ATRNL1: variants seen among roughly 807,000 people sequenced by gnomAD.
ATRNL1 encodes the protein attractin-like protein 1.
ATRNL1 carries 95 observed loss-of-function variants against 182.7 expected under a neutral mutation model. The ratio of observed to expected loss-of-function variants is 0.52; its 90% confidence interval spans 0.44 to 0.62. The LOEUF is 0.62. Among genes scored for constraint, ATRNL1 ranks in the 20% least tolerant of loss-of-function variants. The pLI, the probability that ATRNL1 is intolerant of heterozygous loss-of-function variation, is 0.00. For synonymous variants in ATRNL1, 576 were observed against 568.3 expected (o/e 1.01, Z -0.19); for missense variants, 1,471 against 1,679.5 (o/e 0.88, Z 2.17).
At chr10:115,458,498 T>TG (rs1847634412) in intron 21 of ATRNL1, among the ~76,000 whole-genome samples, 1 of 152,140 alleles carries the variant, frequency 6.6e-6, no homozygotes, top group African/African-American at 2.4e-5. Flanking sequence ...ACATTAGGAT[T>TG]GATCATTACC....
At chr10:115,108,831 A>G (rs1592109907) in intron 1 of ATRNL1, among the ~76,000 whole-genome samples, 1 of 152,192 alleles carries the variant, frequency 6.6e-6, no homozygotes, top group South Asian at 2.1e-4. Context: ...TCTCTGACTA[A>G]GTAATTCCTT....
intron 27 of ATRNL1, among the ~76,000 whole-genome samples, chr10:115,816,301 C>T (rs1483028468): frequency 2.0e-5 from 3 of 152,066 alleles, no homozygotes; most frequent in Non-Finnish European, 2.9e-5. Flanking sequence ...GGCTGTTACT[C>T]CACGGGAATG....
intron 13 of ATRNL1, among the ~76,000 whole-genome samples, chr10:115,274,837 G>T (rs534345409): frequency 2.0e-4 from 30 of 152,160 alleles, no homozygotes; most frequent in Non-Finnish European, 3.8e-4. Flanking sequence ...CAGGGAATGT[G>T]TTAATTGCCC....
chr10:115,427,830 A>G (rs1387876606), intron 21 of ATRNL1, among the ~76,000 whole-genome samples: 2 of 151,464 alleles, frequency 1.3e-5, no homozygotes, highest in Admixed American at 6.6e-5. Context: ...ATGTGATTTT[A>G]TAAGTCCTGA....
rs79589147 is a variant in ATRNL1 at position 115,884,471 on chromosome 10, C to T, written c.4018+36480C>T. Among the ~76,000 whole-genome samples the T allele has an allele frequency of 1.5e-3, 231 of 152,246 alleles. 1 individual carries two copies. The highest frequency in any genetic ancestry group is 9.3e-3 in the East Asian group (48 of 5,174). ...ACAACAACAACAAAAAGCATTAGGC[C>T]GCTTCTTCCTAATTATGTCTCTCTC... is the stretch of plus-strand genomic sequence containing the variant. On this transcript the variant is annotated intron_variant, in intron 28 of 28. Coordinates refer to ENST00000355044, the MANE Select transcript of ATRNL1 (RefSeq NM_207303.4).
intron 9 of ATRNL1, among the ~76,000 whole-genome samples, chr10:115,221,361 T>C (rs2144446979): frequency 6.6e-6 from 1 of 152,330 alleles, no homozygotes; most frequent in Middle Eastern, 3.4e-3. Context: ...TTTTACCACC[T>C]CAGAACTGGT....
chr10:115,508,423 T>A (rs557460079), intron 24 of ATRNL1, among the ~76,000 whole-genome samples: 1 of 152,150 alleles, frequency 6.6e-6, no homozygotes, highest in South Asian at 2.1e-4. Context: ...AAATGCTACA[T>A]GTGATTAAGC....
At chr10:115,861,344 T>A (rs1309381222) in intron 28 of ATRNL1, among the ~76,000 whole-genome samples, 7 of 152,176 alleles carry the variant, frequency 4.6e-5, no homozygotes, top group Non-Finnish European at 1.0e-4. Flanking sequence ...GGGGCTAAAT[T>A]GTGCCTACAA....
intron 26 of ATRNL1, among the ~76,000 whole-genome samples, chr10:115,690,639 G>A (rs1946360895): frequency 6.6e-6 from 1 of 152,146 alleles, no homozygotes; most frequent in South Asian, 2.1e-4. Flanking sequence ...GACACTGGGT[G>A]GACACTGAGA....
At chr10:115,347,840 T>C (rs141124312) in intron 19 of ATRNL1, among the ~76,000 whole-genome samples, 201 of 152,228 alleles carry the variant, frequency 1.3e-3, no homozygotes, top group African/African-American at 4.5e-3. Flanking sequence ...ATGTATACTA[T>C]ATATATATGT....
chr10:115,652,248 T>C (rs1168785012), intron 26 of ATRNL1, among the ~76,000 whole-genome samples: 2 of 152,004 alleles, frequency 1.3e-5, no homozygotes, highest in African/African-American at 2.4e-5. Flanking sequence ...TTTTTTTCCA[T>C]TATACTGACA....
At chr10:115,918,784 A>G (rs1442985271) in intron 28 of ATRNL1, among the ~76,000 whole-genome samples, 1 of 152,158 alleles carries the variant, frequency 6.6e-6, no homozygotes, top group Non-Finnish European at 1.5e-5. Context: ...ATAATCAGAG[A>G]AGTTTGCTGG....
At chr10:115,384,487 T>C (rs998767859) in intron 19 of ATRNL1, among the ~76,000 whole-genome samples, 4 of 152,094 alleles carry the variant, frequency 2.6e-5, no homozygotes, top group Non-Finnish European at 4.4e-5. Flanking sequence ...TATGGGCCAT[T>C]CGGTCTGTGT....
intron 24 of ATRNL1, among the ~76,000 whole-genome samples, chr10:115,477,578 G>GT (rs1229424398): frequency 2.0e-5 from 3 of 151,554 alleles, no homozygotes; most frequent in Non-Finnish European, 4.4e-5. Context: ...CTGGGAAGTA[G>GT]TTTTTTGGCT....
intron 25 of ATRNL1, among the ~76,000 whole-genome samples, chr10:115,547,364 A>G (rs1394644384): frequency 1.3e-5 from 2 of 151,912 alleles, no homozygotes; most frequent in African/African-American, 4.8e-5. Context: ...TACAATGAGT[A>G]TTTAATTAGG....
chr10:115,518,411 A>G (rs1850746881), intron 24 of ATRNL1, among the ~76,000 whole-genome samples: 1 of 151,984 alleles, frequency 6.6e-6, no homozygotes, highest in African/African-American at 2.4e-5. Flanking sequence ...AGCTTCAGCA[A>G]TGTGGGAAAA....
At chr10:115,848,290 G>T (rs1555099546) in intron 28 of ATRNL1, among the ~76,000 whole-genome samples, 1 of 152,164 alleles carries the variant, frequency 6.6e-6, no homozygotes, top group East Asian at 1.9e-4. Context: ...AATCTCATTA[G>T]AAGGGCCACC....
chr10:115,567,748 T>A (rs1474721078), intron 26 of ATRNL1, among the ~76,000 whole-genome samples: 1 of 152,140 alleles, frequency 6.6e-6, no homozygotes, highest in Non-Finnish European at 1.5e-5. Flanking sequence ...AATTACCTGC[T>A]CATTAGTGAA....
intron 28 of ATRNL1, among the ~76,000 whole-genome samples, chr10:115,921,408 C>CAG (rs1953057504): frequency 6.6e-6 from 1 of 152,094 alleles, no homozygotes; most frequent in African/African-American, 2.4e-5. Context: ...TTTTGTATGT[C>CAG]AGTCATGCCT....
Sources: gnomAD v4.1 joint callset for allele counts (sites outside exome capture counted in the v4.1 genomes callset) on GRCh38, gnomAD v4.1.1 for gene constraint, MANE v1.5 for transcripts, NCBI Gene and HGNC (gene_info 2026-07-23, HGNC 2026-07-21) for gene names.